Variants in RASAL2 observed in about 807,000 individuals in gnomAD.
The protein encoded by RASAL2 is ras GTPase-activating protein nGAP.
In RASAL2, 58 loss-of-function variants were observed where a neutral mutation model predicts 128.9. The ratio of observed to expected loss-of-function variants is 0.45; its 90% CI spans 0.36 to 0.56. The LOEUF (loss-of-function observed/expected upper bound fraction) is 0.56, where lower values mean the gene tolerates loss of function less well. Ranked by LOEUF, RASAL2 falls within the 20% of genes least tolerant of loss-of-function variation. The pLI is 0.00. For missense variants in RASAL2, 1,360 were observed against 1,601.6 expected (o/e 0.85, Z 2.57); for synonymous variants, 561 against 580.8 (o/e 0.97, Z 0.49).
chr1:178,292,280 G>A (rs572863653), intron 2 of RASAL2, among the ~76,000 whole-genome samples: 2 of 152,242 alleles, frequency 1.3e-5, no homozygotes, highest in South Asian at 4.1e-4. Flanking sequence ...CTGGAATGTG[G>A]GAGGATTATA....
At chr1:178,464,608 A>G (rs1296801601) in intron 15 of RASAL2, among the ~76,000 whole-genome samples, 196 bp downstream of exon 15, 1 of 125,012 alleles carries the variant, frequency 8.0e-6, no homozygotes, top group Non-Finnish European at 1.7e-5. Flanking sequence ...GTGAATATAC[A>G]TGGAAAATGT....
chr1:178,311,251 CAA>C (rs1491182459), intron 3 of RASAL2, among the ~76,000 whole-genome samples: 53 of 96,822 alleles, frequency 5.5e-4, no homozygotes, highest in Admixed American at 1.3e-3. Flanking sequence ...TACACACACA[CAA>C]ACACACACAC....
intron 3 of RASAL2, among the ~76,000 whole-genome samples, chr1:178,318,209 C>G (rs1310298968): frequency 6.7e-6 from 1 of 150,304 alleles, no homozygotes; most frequent in Non-Finnish European, 1.5e-5. Flanking sequence ...AGCTTTACTT[C>G]CAACTATGTG....
intron 1 of RASAL2, among the ~76,000 whole-genome samples, chr1:178,212,246 C>T (rs1484998989): frequency 6.6e-6 from 1 of 152,154 alleles, no homozygotes; most frequent in Non-Finnish European, 1.5e-5. Context: ...AGGCAGTATG[C>T]ATTCAACATA....
At chr1:178,345,710 A>G (rs946754363) in intron 3 of RASAL2, among the ~76,000 whole-genome samples, 10 of 152,174 alleles carry the variant, frequency 6.6e-5, no homozygotes, top group Non-Finnish European at 8.8e-5. Flanking sequence ...ATGAAGTTTC[A>G]GGTAAATAAG....
intron 2 of RASAL2, among the ~76,000 whole-genome samples, chr1:178,296,540 T>A (rs1052598377): frequency 6.6e-6 from 1 of 151,722 alleles, no homozygotes; most frequent in Non-Finnish European, 1.5e-5. Flanking sequence ...TTATTTTTTA[T>A]TTTTTTAAAG....
intron 1 of RASAL2, among the ~76,000 whole-genome samples, chr1:178,204,460 A>G (rs1164030396): frequency 6.6e-6 from 1 of 152,196 alleles, no homozygotes; most frequent in African/African-American, 2.4e-5. Flanking sequence ...TATCTTTGAT[A>G]GTTTGACCCT....
chr1:178,212,979 A>T (rs1200357633), intron 1 of RASAL2, among the ~76,000 whole-genome samples: 1 of 152,204 alleles, frequency 6.6e-6, no homozygotes, highest in East Asian at 1.9e-4. Context: ...TTTCTCCAAG[A>T]TGGTTTAATT....
intron 9 of RASAL2, among the ~76,000 whole-genome samples, chr1:178,449,654 T>C (rs1470762356): frequency 6.6e-6 from 1 of 152,080 alleles, no homozygotes; most frequent in Non-Finnish European, 1.5e-5. Flanking sequence ...AATAAAAGCC[T>C]CTCCTTTCAA....
At chr1:178,340,012 T>C (rs533625018) in intron 3 of RASAL2, among the ~76,000 whole-genome samples, 2 of 152,308 alleles carry the variant, frequency 1.3e-5, no homozygotes, top group East Asian at 3.9e-4. Flanking sequence ...TACCAACTTA[T>C]GAAACCATGG....
intron 1 of RASAL2, among the ~76,000 whole-genome samples, chr1:178,105,400 A>C (rs1659050804): frequency 6.6e-6 from 1 of 152,246 alleles, no homozygotes; most frequent in Non-Finnish European, 1.5e-5. Context: ...GAAAGGAGCA[A>C]ACTTAGAAAA....
chr1:178,257,017 A>T (rs1303937709), intron 1 of RASAL2, among the ~76,000 whole-genome samples: 1 of 152,122 alleles, frequency 6.6e-6, no homozygotes, highest in Non-Finnish European at 1.5e-5. Context: ...CCAAAAATTT[A>T]AGATAATTTT....
rs1181414480 is a variant in RASAL2, at chr1:178,094,106, A to T, written c.-387A>T. On this transcript the variant is annotated 5_prime_UTR_variant, in exon 1 of 18. Coordinates refer to ENST00000367649, the MANE Select transcript of RASAL2 (RefSeq NM_170692.4). ...CCGGCCCCGCTCCATCCCCAGCCAG[A>T]GCCTGGTCTGACCGCGAGAGACGCC... is the stretch of plus-strand genomic sequence containing the variant. 1 of 239,982 alleles carries T rather than the reference A, an allele frequency of 4.2e-6. No individual in the cohort carries two copies. Among genetic ancestry groups the T allele is most frequent in the Non-Finnish European group, 8.0e-6 (1 of 125,174 alleles). 14.9% of individuals were successfully genotyped at this position (239,982 alleles called of 1,614,324 possible). A position where few individuals can be genotyped will look rare whatever the true frequency, so the allele number is the denominator to read the frequency against.
At chr1:178,424,631 T>C (rs1180615268) in intron 5 of RASAL2, among the ~76,000 whole-genome samples, 1 of 152,040 alleles carries the variant, frequency 6.6e-6, no homozygotes, top group Non-Finnish European at 1.5e-5. Flanking sequence ...CTGGCTTATT[T>C]TTATACTTTT....
intron 1 of RASAL2, among the ~76,000 whole-genome samples, chr1:178,180,500 A>C (rs1381223822): frequency 6.6e-6 from 1 of 150,592 alleles, no homozygotes; most frequent in Non-Finnish European, 1.5e-5. Context: ...AAAAAAAAAA[A>C]AAAAAAAAAC....
intron 1 of RASAL2, among the ~76,000 whole-genome samples, chr1:178,164,611 C>T (rs1661453036): frequency 6.6e-6 from 1 of 150,972 alleles, no homozygotes; most frequent in South Asian, 2.1e-4. Flanking sequence ...TTCTTCTGTG[C>T]ATACAGGATT....
chr1:178,242,422 ATTCTCTCTCTCTCTCTCT>A (rs1664541885), intron 1 of RASAL2, among the ~76,000 whole-genome samples: 2 of 91,956 alleles, frequency 2.2e-5, no homozygotes, highest in Admixed American at 1.1e-4. Flanking sequence ...TTTATAATTC[ATTCTCTCTCTCTCTCTCT>A]CTCTCTCTCT....
At chr1:178,306,503 C>T (rs1175779102) in intron 3 of RASAL2, among the ~76,000 whole-genome samples, 6 of 152,140 alleles carry the variant, frequency 3.9e-5, no homozygotes, top group African/African-American at 7.2e-5. Flanking sequence ...AACTAGTTTA[C>T]AGTCCCACCA....
At chr1:178,407,984 A>G (rs1476611829) in intron 4 of RASAL2, among the ~76,000 whole-genome samples, 2 of 152,204 alleles carry the variant, frequency 1.3e-5, no homozygotes, top group African/African-American at 2.4e-5. Context: ...AACATTTACC[A>G]AGCTCCAGAG....
Sources: allele counts gnomAD v4.1 joint callset (sites outside exome capture counted in the v4.1 genomes callset), GRCh38; gene constraint gnomAD v4.1.1; transcripts MANE v1.5; gene names NCBI Gene and HGNC (gene_info 2026-07-23, HGNC 2026-07-21).